RBFOX1: variants seen among roughly 807,000 people sequenced by gnomAD.
The protein encoded by RBFOX1 is RNA binding protein fox-1 homolog 1.
In RBFOX1, 8 loss-of-function variants were observed where a neutral mutation model predicts 57.7. The ratio of observed to expected loss-of-function variants is 0.14; its 90% CI spans 0.08 to 0.25. The LOEUF is 0.25. RBFOX1 is among the 10% of genes least tolerant of loss of function. The probability of loss-of-function intolerance (pLI) is 1.00; values close to 1 mark genes in which losing one functional copy is unlikely to be tolerated. For synonymous variants in RBFOX1, 326 were observed against 222.4 expected (o/e 1.47, Z -4.15); for missense variants, 611 against 548.5 (o/e 1.11, Z -1.14).
At chr16:7,007,506 C>T (rs891387995) in intron 3 of RBFOX1, among the ~76,000 whole-genome samples, 1 of 152,168 alleles carries the variant, frequency 6.6e-6, no homozygotes, top group Middle Eastern at 3.2e-3. Context: ...ATCGTATTGA[C>T]AGGTTCTGGG....
intron 1 of RBFOX1, among the ~76,000 whole-genome samples, chr16:6,276,020 C>G (rs1036394780): frequency 6.6e-6 from 1 of 152,152 alleles, no homozygotes; most frequent in Non-Finnish European, 1.5e-5. Flanking sequence ...TAAGTTTAAG[C>G]TATTCTTTAA....
At chr16:6,129,337 A>C (rs957005802) in intron 1 of RBFOX1, among the ~76,000 whole-genome samples, 6 of 152,206 alleles carry the variant, frequency 3.9e-5, no homozygotes, top group Admixed American at 3.9e-4. Flanking sequence ...ATAAAAAGGA[A>C]TCAAATGGAA....
intron 4 of RBFOX1, among the ~76,000 whole-genome samples, chr16:7,255,067 T>A (rs1192208223): frequency 6.6e-6 from 1 of 152,218 alleles, no homozygotes; most frequent in Non-Finnish European, 1.5e-5. Context: ...ATTTTATTCA[T>A]AATATTAACG....
At chr16:5,270,559 T>G (rs1321591506) in intron 1 of RBFOX1, 1 of 588,398 alleles carries the variant, frequency 1.7e-6, no homozygotes, top group Non-Finnish European at 3.1e-6. Flanking sequence ...ATGTGAAGAC[T>G]ACCGATGGTT....
At chr16:6,398,812 G>A (rs753140436) in intron 2 of RBFOX1, among the ~76,000 whole-genome samples, 4 of 152,184 alleles carry the variant, frequency 2.6e-5, no homozygotes, top group East Asian at 1.9e-4. Flanking sequence ...GATCTACCAT[G>A]CTACCATTCT....
At chr16:6,267,065 T>C (rs970488928) in intron 1 of RBFOX1, among the ~76,000 whole-genome samples, 1 of 152,144 alleles carries the variant, frequency 6.6e-6, no homozygotes, top group African/African-American at 2.4e-5. Flanking sequence ...TATCCACCTC[T>C]ATGGAAACAT....
At chr16:6,619,076 T>A (rs2098186261) in intron 2 of RBFOX1, among the ~76,000 whole-genome samples, 1 of 151,792 alleles carries the variant, frequency 6.6e-6, no homozygotes, top group Non-Finnish European at 1.5e-5. Context: ...CTGCAGAGGG[T>A]CAAGGTTGCA....
At chr16:5,887,173 G>A (rs948048802) in intron 4 of RBFOX1, among the ~76,000 whole-genome samples, 1 of 152,142 alleles carries the variant, frequency 6.6e-6, no homozygotes, top group Non-Finnish European at 1.5e-5. Context: ...TAAATAATTG[G>A]AGTCCTAAGA....
intron 3 of RBFOX1, among the ~76,000 whole-genome samples, chr16:6,680,826 G>T (rs938591212): frequency 2.0e-5 from 3 of 152,150 alleles, no homozygotes; most frequent in South Asian, 4.1e-4. Context: ...AATATTAAAA[G>T]CTTCTTGGTT....
Position 6,808,845 on chromosome 16 carries a change from C to A in RBFOX1, c.-16+154195C>A, listed in dbSNP as rs560029365. Among the ~76,000 whole-genome samples the A allele has an allele frequency of 3.3e-5, 5 of 152,228 alleles. No individual in the cohort carries two copies. In the South Asian group the frequency reaches 1.0e-3, roughly 32 times the overall value. The stretch of plus-strand genomic sequence containing the variant: ...ATTCATAGAAAATCACTACCTCTTA[C>A]CAAGGGAATACTTCCTGTAACACCT... On this transcript the variant is annotated intron_variant, in intron 3 of 15. Transcript: ENST00000550418.
intron 1 of RBFOX1, among the ~76,000 whole-genome samples, chr16:6,304,395 C>G (rs770462255): frequency 6.6e-6 from 1 of 152,094 alleles, no homozygotes; most frequent in Non-Finnish European, 1.5e-5. Flanking sequence ...TTGTGAGCTC[C>G]CAGATTACTG....
intron 2 of RBFOX1, among the ~76,000 whole-genome samples, chr16:5,503,861 T>G (rs1396227847): frequency 2.0e-5 from 3 of 152,212 alleles, no homozygotes; most frequent in African/African-American, 7.2e-5. Flanking sequence ...ACCCCTATTG[T>G]CTGGTCCTCC....
intron 3 of RBFOX1, among the ~76,000 whole-genome samples, chr16:6,951,730 C>T (rs1409963322): frequency 6.6e-6 from 1 of 152,136 alleles, no homozygotes; most frequent in African/African-American, 2.4e-5. Context: ...CCACACTTCT[C>T]TCTTTTTTCT....
intron 2 of RBFOX1, among the ~76,000 whole-genome samples, chr16:6,516,951 T>C (rs929461584): frequency 1.3e-5 from 2 of 152,166 alleles, no homozygotes; most frequent in African/African-American, 4.8e-5. Context: ...TCCACAAATA[T>C]GCTCTGGGGG....
intron 2 of RBFOX1, among the ~76,000 whole-genome samples, chr16:6,584,229 C>T (rs1359171443): frequency 6.6e-6 from 1 of 151,466 alleles, no homozygotes; most frequent in Non-Finnish European, 1.5e-5. Context: ...AGTTTTAGGG[C>T]CCATCAAAGG....
At chr16:6,885,235 G>C (rs918714931) in intron 3 of RBFOX1, among the ~76,000 whole-genome samples, 14 of 152,132 alleles carry the variant, frequency 9.2e-5, no homozygotes, top group Non-Finnish European at 1.6e-4. Flanking sequence ...TTTCAGATGT[G>C]GTCTCCAGTC....
chr16:6,559,168 T>G (rs937426695), intron 2 of RBFOX1, among the ~76,000 whole-genome samples: 13 of 149,380 alleles, frequency 8.7e-5, no homozygotes, highest in Non-Finnish European at 1.2e-4. Flanking sequence ...ACTGTTTGTG[T>G]GTACATATAT....
At chr16:5,501,736 C>G (rs1445216431) in intron 2 of RBFOX1, among the ~76,000 whole-genome samples, 1 of 152,092 alleles carries the variant, frequency 6.6e-6, no homozygotes, top group African/African-American at 2.4e-5. Flanking sequence ...ATTTTAGAGA[C>G]AAGATCTTGC....
chr16:5,560,506 T>G (rs1008212289), intron 2 of RBFOX1, among the ~76,000 whole-genome samples: 1 of 152,192 alleles, frequency 6.6e-6, no homozygotes, highest in Non-Finnish European at 1.5e-5. Flanking sequence ...CTGTAAACTC[T>G]AGGAGGGCAA....
Sources: gnomAD v4.1 joint callset for allele counts (sites outside exome capture counted in the v4.1 genomes callset) on GRCh38, gnomAD v4.1.1 for gene constraint, MANE v1.5 for transcripts, NCBI Gene and HGNC (gene_info 2026-07-23, HGNC 2026-07-21) for gene names.